CACNA2D3: variants seen among roughly 807,000 people sequenced by gnomAD.
The protein encoded by CACNA2D3 is calcium voltage-gated channel auxiliary subunit alpha2delta 3, also known as voltage-dependent calcium channel subunit alpha-2/delta-3.
Under a neutral mutation model 160.6 loss-of-function variants are expected in CACNA2D3, and 60 were observed. That is an observed-to-expected ratio of 0.37 (90% CI 0.30 to 0.46). The LOEUF is 0.46. Among genes scored for constraint, CACNA2D3 ranks in the 20% least tolerant of loss-of-function variants. The pLI, the probability that CACNA2D3 is intolerant of heterozygous loss-of-function variation, is 1.00. For missense variants in CACNA2D3, 1,205 were observed against 1,365.0 expected (o/e 0.88, Z 1.85); for synonymous variants, 558 against 492.9 (o/e 1.13, Z -1.75).
At chr3:54,970,535 C>G (rs1278815700) in intron 29 of CACNA2D3, among the ~76,000 whole-genome samples, 27 of 79,972 alleles carry the variant, frequency 3.4e-4, no homozygotes, top group African/African-American at 1.3e-3. Flanking sequence ...CCTATCCTTT[C>G]TTCTCCTCTC....
chr3:54,549,878 A>G (rs1702128123), intron 5 of CACNA2D3, among the ~76,000 whole-genome samples: 1 of 152,350 alleles, frequency 6.6e-6, no homozygotes, highest in East Asian at 1.9e-4. Flanking sequence ...ACTGGGAGCC[A>G]GGCCTGTCTG....
intron 11 of CACNA2D3, among the ~76,000 whole-genome samples, chr3:54,736,024 CATATAT>C (rs201663679): frequency 1.5e-5 from 1 of 65,278 alleles, no homozygotes; most frequent in African/African-American, 7.2e-5. Context: ...TATACACATA[CATATAT>C]ATATGTATAT....
intron 11 of CACNA2D3, among the ~76,000 whole-genome samples, chr3:54,708,956 C>T (rs1254211554): frequency 2.0e-5 from 3 of 150,880 alleles, no homozygotes; most frequent in Non-Finnish European, 4.4e-5. Flanking sequence ...TTTTAAATAA[C>T]TATTTTTTAC....
chr3:54,814,634 C>T (rs1160929683), intron 13 of CACNA2D3, among the ~76,000 whole-genome samples: 1 of 152,222 alleles, frequency 6.6e-6, no homozygotes, highest in Non-Finnish European at 1.5e-5. Flanking sequence ...GAAAGTTGCT[C>T]TTTGTTCTCG....
At chr3:54,973,849 T>A (rs968059947) in intron 29 of CACNA2D3, among the ~76,000 whole-genome samples, 12 of 152,190 alleles carry the variant, frequency 7.9e-5, no homozygotes, top group Non-Finnish European at 1.8e-4. Flanking sequence ...TCAAGCGTAT[T>A]CCACAATGGA....
intron 11 of CACNA2D3, among the ~76,000 whole-genome samples, chr3:54,707,650 G>A (rs923345712): frequency 3.9e-5 from 6 of 152,088 alleles, no homozygotes; most frequent in Admixed American, 1.3e-4. Context: ...AAGCTTTACC[G>A]AGAAGCTGTA....
chr3:55,043,175 G>A (rs1157349846), intron 35 of CACNA2D3, among the ~76,000 whole-genome samples: 1 of 152,106 alleles, frequency 6.6e-6, no homozygotes, highest in African/African-American at 2.4e-5. Flanking sequence ...GTAGAAGAAA[G>A]TAACCTCCAA....
intron 4 of CACNA2D3, among the ~76,000 whole-genome samples, chr3:54,420,777 G>A (rs1699825416): frequency 1.3e-5 from 2 of 152,218 alleles, no homozygotes; most frequent in Admixed American, 1.3e-4. Context: ...AGGAAGTGCT[G>A]CACCTGGGAT....
chr3:54,740,071 A>T (rs919061653), intron 11 of CACNA2D3, among the ~76,000 whole-genome samples: 1 of 151,968 alleles, frequency 6.6e-6, no homozygotes, highest in Non-Finnish European at 1.5e-5. Context: ...TGGGAAACAT[A>T]AAACAGAAAA....
At chr3:55,049,542 A>C (rs1704140181) in intron 35 of CACNA2D3, among the ~76,000 whole-genome samples, 1 of 141,482 alleles carries the variant, frequency 7.1e-6, no homozygotes, top group South Asian at 2.3e-4. Flanking sequence ...CAATTTTGGA[A>C]TAGGTGTGGT....
chr3:54,352,082 A>G (rs1420732665), intron 3 of CACNA2D3, among the ~76,000 whole-genome samples: 1 of 152,136 alleles, frequency 6.6e-6, no homozygotes, highest in Non-Finnish European at 1.5e-5. Context: ...TCCCCAGGTG[A>G]TGATAGGCCA....
chr3:54,534,786 G>A lies in CACNA2D3; in HGVS notation c.545-28014G>A, dbSNP rs7427934. Among the ~76,000 whole-genome samples the A allele has an allele frequency of 0.01, 1,575 of 152,112 alleles. 59 individuals are homozygous for A. In the East Asian group the frequency reaches 0.11, roughly 11 times the overall value. ...AAAAAAAAATAGAAAAATTAGCCAGGCATGGTGGTACATGCCTGTAGTCCC... is the reference window on the plus strand; with the variant it reads ...AAAAAAAAATAGAAAAATTAGCCAGACATGGTGGTACATGCCTGTAGTCCC... On this transcript the variant is annotated intron_variant, in intron 5 of 37. Coordinates refer to ENST00000474759, the MANE Select transcript of CACNA2D3 (RefSeq NM_018398.3).
At chr3:54,838,342 G>A (rs1407225365) in intron 15 of CACNA2D3, among the ~76,000 whole-genome samples, 6 of 152,148 alleles carry the variant, frequency 3.9e-5, no homozygotes, top group Admixed American at 6.5e-5. Flanking sequence ...ATGCGTTGGG[G>A]ACTGTAGTAG....
At chr3:54,784,849 T>C (rs563494790) in intron 13 of CACNA2D3, among the ~76,000 whole-genome samples, 1 of 152,310 alleles carries the variant, frequency 6.6e-6, no homozygotes, top group Non-Finnish European at 1.5e-5. Flanking sequence ...TTTCATGCTA[T>C]TTGCTCTGCT....
chr3:54,956,058 T>C (rs1701884098), intron 27 of CACNA2D3, among the ~76,000 whole-genome samples: 2 of 152,192 alleles, frequency 1.3e-5, no homozygotes, highest in Admixed American at 1.3e-4. Flanking sequence ...TCCTTAATGT[T>C]TCCCTGTCTC....
chr3:54,276,273 G>C (rs1702737002), intron 2 of CACNA2D3, among the ~76,000 whole-genome samples: 1 of 152,092 alleles, frequency 6.6e-6, no homozygotes, highest in African/African-American at 2.4e-5. Context: ...AGTTTGATAA[G>C]AAAACGAAGA....
At chr3:54,972,946 A>G (rs1702307900) in intron 29 of CACNA2D3, among the ~76,000 whole-genome samples, 1 of 152,120 alleles carries the variant, frequency 6.6e-6, no homozygotes, top group Non-Finnish European at 1.5e-5. Context: ...GGGGCAGTCA[A>G]TGGGAAGCAG....
At chr3:54,478,114 C>T (rs1445947567) in intron 4 of CACNA2D3, among the ~76,000 whole-genome samples, 1 of 152,042 alleles carries the variant, frequency 6.6e-6, no homozygotes, top group African/African-American at 2.4e-5. Flanking sequence ...TTTCTTTTTA[C>T]TTTATGGCTC....
chr3:54,375,057 T>G lies in CACNA2D3; in HGVS notation c.322-11658T>G, dbSNP rs1698987042. On this transcript the variant is annotated intron_variant, in intron 3 of 37. Transcript: ENST00000474759. ...GCAGTTCCCTCATCCTGGAAGGCCC[T>G]TCCTTTGTTTTCTGGGCTGGCTCTT... 2.0e-5 allele frequency among the ~76,000 whole-genome samples: 3 copies of G among 152,184 alleles called. No homozygotes were observed. In the South Asian group the frequency reaches 6.2e-4, roughly 32 times the overall value.
Sources: gnomAD v4.1 joint callset for allele counts (sites outside exome capture counted in the v4.1 genomes callset) on GRCh38, gnomAD v4.1.1 for gene constraint, MANE v1.5 for transcripts, NCBI Gene and HGNC (gene_info 2026-07-23, HGNC 2026-07-21) for gene names.